Variants in PSD3 observed in about 807,000 individuals in gnomAD.
PSD3 encodes the protein PH and SEC7 domain-containing protein 3.
PSD3 carries 49 observed loss-of-function variants against 105.5 expected under a neutral mutation model. That is an observed-to-expected ratio of 0.46 (90% CI 0.37 to 0.59). The LOEUF (loss-of-function observed/expected upper bound fraction) is 0.59, where lower values mean the gene tolerates loss of function less well. Among genes scored for constraint, PSD3 ranks in the 20% least tolerant of loss-of-function variants. The pLI, the probability that PSD3 is intolerant of heterozygous loss-of-function variation, is 0.00. For synonymous variants in PSD3, 557 were observed against 457.8 expected (o/e 1.22, Z -2.77); for missense variants, 1,561 against 1,263.8 (o/e 1.24, Z -3.57).
chr8:19,035,696 G>A (rs1827918094), intron 1 of PSD3, among the ~76,000 whole-genome samples: 1 of 151,130 alleles, frequency 6.6e-6, no homozygotes, highest in Non-Finnish European at 1.5e-5. Context: ...TCAGGCAGAA[G>A]AGAATATGAC....
At chr8:18,641,864 C>A (rs78955169) in intron 10 of PSD3, among the ~76,000 whole-genome samples, 1 of 146,226 alleles carries the variant, frequency 6.8e-6, no homozygotes, top group Non-Finnish European at 1.5e-5. Flanking sequence ...CATTATACCA[C>A]GAGGCAGGAT....
At position 18,871,716 on chromosome 8, in the gene PSD3, C is replaced by A; in HGVS notation, c.1148G>T (p.Arg383Leu). Residue 383 changes from arginine to leucine, a missense_variant, in exon 3 of 16, where the codon CGT becomes CTT. By Grantham distance (102) the Arg-to-Leu change is moderately radical (BLOSUM62 -2). Transcript: ENST00000327040. ...TTCATCCTCTCCACTCTCATCAAGA[C>A]GCACAGGGGAAAATGTCCCCGAGCT... ...GTSSGTFSPV[R>L]LDESGEDEVF... The A allele has an allele frequency of 6.2e-7, 1 of 1,614,158 alleles. No homozygotes were observed. Among genetic ancestry groups the A allele is most frequent in the Non-Finnish European group, 8.5e-7 (1 of 1,180,018 alleles).
chr8:18,649,449 T>A (rs1240778051), intron 10 of PSD3, among the ~76,000 whole-genome samples: 2 of 152,214 alleles, frequency 1.3e-5, no homozygotes, highest in African/African-American at 4.8e-5. Flanking sequence ...AATAGGAGTA[T>A]TTAGCCAATG....
intron 1 of PSD3, among the ~76,000 whole-genome samples, chr8:18,938,985 G>A (rs1298238686): frequency 6.6e-6 from 1 of 151,656 alleles, no homozygotes; most frequent in African/African-American, 2.4e-5. Flanking sequence ...AGCCTACACT[G>A]GGGCTTCCAA....
At chr8:18,641,598 G>A (rs1807645902) in intron 10 of PSD3, among the ~76,000 whole-genome samples, 1 of 152,174 alleles carries the variant, frequency 6.6e-6, no homozygotes, top group Non-Finnish European at 1.5e-5. Context: ...TACGGTGGTT[G>A]TTACACAAGT....
intron 1 of PSD3, among the ~76,000 whole-genome samples, chr8:19,009,168 C>T (rs1174275367): frequency 2.0e-5 from 3 of 152,152 alleles, no homozygotes; most frequent in African/African-American, 4.8e-5. Context: ...TTTAATTACA[C>T]CATTTCTATC....
intron 8 of PSD3, among the ~76,000 whole-genome samples, chr8:18,793,637 T>C (rs1347903861): frequency 6.6e-6 from 1 of 152,166 alleles, no homozygotes; most frequent in Non-Finnish European, 1.5e-5. Context: ...GGATGGAATC[T>C]ACAGCAGGGG....
intron 10 of PSD3, among the ~76,000 whole-genome samples, chr8:18,636,238 C>T (rs1807247940): frequency 6.6e-6 from 1 of 151,866 alleles, no homozygotes; most frequent in Admixed American, 6.6e-5. Context: ...AACTCTTAGG[C>T]TATAAAGTCC....
At chr8:18,821,090 T>A (rs1586128106) in intron 4 of PSD3, among the ~76,000 whole-genome samples, 1 of 152,196 alleles carries the variant, frequency 6.6e-6, no homozygotes, top group African/African-American at 2.4e-5. Flanking sequence ...TTTATTCTGT[T>A]TATTTTCATT....
chr8:18,713,047 CGATA>C (rs1411504759), intron 9 of PSD3, among the ~76,000 whole-genome samples: 4 of 152,056 alleles, frequency 2.6e-5, no homozygotes, highest in African/African-American at 9.7e-5. Context: ...GGGATTATCT[CGATA>C]GATACCAAAA....
chr8:18,719,978 C>A (rs777473332), intron 9 of PSD3, among the ~76,000 whole-genome samples: 2 of 152,058 alleles, frequency 1.3e-5, no homozygotes, highest in African/African-American at 4.8e-5. Flanking sequence ...TTTCTCATAT[C>A]GAAACCCAAA....
intron 4 of PSD3, among the ~76,000 whole-genome samples, chr8:18,824,267 T>C (rs1812995341): frequency 6.6e-6 from 1 of 152,204 alleles, no homozygotes; most frequent in Non-Finnish European, 1.5e-5. Context: ...ATTAACCACA[T>C]GTATCTGTCT....
chr8:18,546,963 T>C (rs1800487247), intron 15 of PSD3, among the ~76,000 whole-genome samples: 1 of 152,138 alleles, frequency 6.6e-6, no homozygotes, highest in Non-Finnish European at 1.5e-5. Flanking sequence ...TGAGAGAACA[T>C]GGTGGTTCTG....
intron 1 of PSD3, among the ~76,000 whole-genome samples, chr8:18,993,469 C>T (rs1825912856): frequency 6.7e-6 from 1 of 149,970 alleles, no homozygotes; most frequent in Non-Finnish European, 1.5e-5. Flanking sequence ...ACCAACTTGA[C>T]AGCATTGCTT....
chr8:18,725,006 C>T (rs1024018869), intron 9 of PSD3, among the ~76,000 whole-genome samples: 5 of 152,144 alleles, frequency 3.3e-5, no homozygotes, highest in African/African-American at 1.2e-4. Flanking sequence ...ACAAAGTGAA[C>T]AGAATTCTAC....
At chr8:18,802,291 A>G (rs1225724892) in intron 6 of PSD3, 3 of 396,670 alleles carry the variant, frequency 7.6e-6, no homozygotes, top group Non-Finnish European at 1.6e-5. Flanking sequence ...GGAGTCACTA[A>G]GAGCACTGTT....
chr8:18,932,146 A>G (rs916447418), intron 2 of PSD3, among the ~76,000 whole-genome samples: 1 of 152,248 alleles, frequency 6.6e-6, no homozygotes, highest in African/African-American at 2.4e-5. Context: ...CTGTGTATTT[A>G]CAATCTCATT....
At position 18,803,388 on chromosome 8, in the gene PSD3, A is replaced by AGTGTGTGTGTGTGT. The variant is rs1213067142; in HGVS notation, c.1910+1133_1910+1134insACACACACACACAC. The stretch of plus-strand genomic sequence containing the variant: ...CTAATTCTAATTCTACAATCTATAA[A>AGTGTGTGTGTGTGT]CTGTGTGTGTGTGTGTGTGTGTGTG... On this transcript the variant is annotated intron_variant, in intron 6 of 15. Transcript: ENST00000327040. The AGTGTGTGTGTGTGT allele has an allele frequency of 4.1e-3, 117 of 28,688 alleles. 2 individuals are homozygous for AGTGTGTGTGTGTGT. The highest frequency in any genetic ancestry group is 0.026 in the Admixed American group (78 of 2,946). 1.8% of individuals were successfully genotyped at this position (28,688 alleles called of 1,614,324 possible).
chr8:18,751,657 T>A (rs1805499296), intron 9 of PSD3, among the ~76,000 whole-genome samples: 1 of 149,890 alleles, frequency 6.7e-6, no homozygotes, highest in Non-Finnish European at 1.5e-5. Context: ...ACTAGTGCAT[T>A]CCACACGGGC....
Sources: gnomAD v4.1 joint callset for allele counts (sites outside exome capture counted in the v4.1 genomes callset) on GRCh38, gnomAD v4.1.1 for gene constraint, MANE v1.5 for transcripts, NCBI Gene and HGNC (gene_info 2026-07-23, HGNC 2026-07-21) for gene names.